The following CCDC30 variants were observed in gnomAD, a reference collection of about 807,000 sequenced individuals.
CCDC30 encodes the protein coiled-coil domain-containing protein 30.
A neutral mutation model predicts 100.2 loss-of-function variants in CCDC30; 70 were observed. The observed-to-expected ratio is 0.70, with a 90% CI of 0.58 to 0.85. CCDC30 has a LOEUF of 0.85. CCDC30 is among the 40% of genes least tolerant of loss of function. CCDC30 has a pLI of 0.00. For synonymous variants in CCDC30, 233 were observed against 269.5 expected, an observed-to-expected ratio of 0.86 and a Z score of 1.33; for missense variants, 652 against 771.2, an observed-to-expected ratio of 0.85 and a Z score of 1.83.
exon 7 of CCDC30, chr1:42,566,342 T>C (rs571597389): frequency 6.2e-7 from 1 of 1,613,926 alleles, no homozygotes; most frequent in East Asian, 2.2e-5. Context: ...CAAGGGGAAG[T>C]ACAACAACTT....
rs72952295 is a variant in CCDC30, at chr1:42,497,985, G to C, written c.357+772G>C. On this transcript the variant is annotated intron_variant, in intron 5 of 16. Coordinates refer to ENST00000668663, the Ensembl canonical transcript of CCDC30. ...ATAGATTTGTACATCCATATTCATA[G>C]TAGCATTATTCACAATAGCCAGAAG... 8.2e-3 allele frequency among the ~76,000 whole-genome samples: 1,244 copies of C among 152,294 alleles called. 13 individuals are homozygous for C. The highest frequency in any genetic ancestry group is 0.027 in the African/African-American group (1,126 of 41,554).
intron 4 of CCDC30, among the ~76,000 whole-genome samples, chr1:42,490,709 T>TGAG: frequency 6.6e-6 from 1 of 152,200 alleles, no homozygotes; most frequent in Admixed American, 6.5e-5. Flanking sequence ...TTCCAAGTAG[T>TGAG]GAGTAGTAGT....
At chr1:42,630,777 T>C (rs2148668958) in intron 11 of CCDC30, among the ~76,000 whole-genome samples, 1 of 152,302 alleles carries the variant, frequency 6.6e-6, no homozygotes, top group South Asian at 2.1e-4. Context: ...GCAGTATGCC[T>C]ATTGCATTTT....
chr1:42,537,283 AC>A, intron 6 of CCDC30: 1 of 456,004 alleles, frequency 2.2e-6, no homozygotes. Context: ...ATGAAAAGAG[AC>A]CTGGAAGTGA....
intron 6 of CCDC30, among the ~76,000 whole-genome samples, chr1:42,551,336 C>A (rs1259624928): frequency 9.9e-5 from 15 of 152,150 alleles, no homozygotes; most frequent in Admixed American, 9.2e-4. Flanking sequence ...CTAGATACCT[C>A]CCACCAGTTG....
exon 15 of CCDC30, chr1:42,646,153 G>A: frequency 6.3e-7 from 1 of 1,593,844 alleles, no homozygotes; most frequent in Non-Finnish European, 8.5e-7. Context: ...GGAGTTTCCT[G>A]TTCCAAAATG....
chr1:42,576,640 A>G (rs189122572), intron 7 of CCDC30, among the ~76,000 whole-genome samples: 3 of 152,360 alleles, frequency 2.0e-5, no homozygotes, highest in African/African-American at 7.2e-5. Context: ...AGTGAAAACC[A>G]GCAAAGTTTG....
intron 6 of CCDC30, chr1:42,545,509 G>A: frequency 6.2e-7 from 1 of 1,607,240 alleles, no homozygotes; most frequent in Non-Finnish European, 8.5e-7. Context: ...TACCTGTAAA[G>A]ATCCTGAATC....
chr1:42,517,614 T>G (rs868766838), intron 6 of CCDC30, among the ~76,000 whole-genome samples: 10 of 147,960 alleles, frequency 6.8e-5, no homozygotes, highest in Middle Eastern at 3.2e-3. Context: ...AAGGTAAGTG[T>G]CTAACTTAGT....
chr1:42,500,353 A>T (rs1433162017), intron 6 of CCDC30: 1 of 1,574,464 alleles, frequency 6.4e-7, no homozygotes, highest in Admixed American at 1.7e-5. Context: ...TGCCGAGGAA[A>T]AGCGGAGTGA....
upstream of CCDC30, chr1:42,459,832 C>A (rs755339358): frequency 6.2e-7 from 1 of 1,614,040 alleles, no homozygotes; most frequent in South Asian, 1.1e-5. Flanking sequence ...TTATTGCTAT[C>A]AGAGGAAGAA....
At chr1:42,633,551 T>G (rs929911471) in intron 11 of CCDC30, among the ~76,000 whole-genome samples, 4 of 152,046 alleles carry the variant, frequency 2.6e-5, no homozygotes, top group Non-Finnish European at 1.5e-5. Flanking sequence ...CTTAAGAGGT[T>G]TTTTTGTTTT....
At chr1:42,498,753 A>G (rs1644265377) in intron 5 of CCDC30, 65 bp from the exon 6 acceptor site, 9 of 749,158 alleles carry the variant, frequency 1.2e-5, no homozygotes, top group Non-Finnish European at 1.7e-5. Context: ...TAATTAAAAA[A>G]CAAAACAATA....
At chr1:42,588,905 A>T (rs559574061) in intron 9 of CCDC30, among the ~76,000 whole-genome samples, 1 of 152,000 alleles carries the variant, frequency 6.6e-6, no homozygotes, top group Admixed American at 6.5e-5. Flanking sequence ...TGATTCATTT[A>T]TAGCAGTGTT....
chr1:42,558,706 A>G (rs1645423711), intron 6 of CCDC30, among the ~76,000 whole-genome samples: 1 of 152,224 alleles, frequency 6.6e-6, no homozygotes, highest in Non-Finnish European at 1.5e-5. Flanking sequence ...GACTGGAAAT[A>G]AGCTGGAAAA....
At chr1:42,456,889 G>A in the CCDC30 span, 2 of 1,612,664 alleles carry the variant, frequency 1.2e-6, no homozygotes, top group Admixed American at 1.7e-5. Context: ...TGCGGCCTTC[G>A]GGCCCAGCCC....
chr1:42,656,035 T>G (rs1003146654), downstream of CCDC30, among the ~76,000 whole-genome samples: 5 of 151,940 alleles, frequency 3.3e-5, no homozygotes, highest in African/African-American at 1.2e-4. Context: ...TGGCTCATTT[T>G]TGTACTTTTT....
chr1:42,616,941 G>T (rs1490966479), intron 11 of CCDC30, among the ~76,000 whole-genome samples: 4 of 152,148 alleles, frequency 2.6e-5, no homozygotes, highest in Non-Finnish European at 4.4e-5. Flanking sequence ...CAGCTGTAAA[G>T]GATGATGGCT....
At chr1:42,575,649 C>CAAAAAA (rs71065186) in intron 7 of CCDC30, among the ~76,000 whole-genome samples, 3 of 76,950 alleles carry the variant, frequency 3.9e-5, no homozygotes, top group African/African-American at 5.5e-5. Flanking sequence ...GACCCTGTCT[C>CAAAAAA]AAAAAAAAAG....
Sources: gnomAD v4.1 joint callset for allele counts (sites outside exome capture counted in the v4.1 genomes callset) on GRCh38, gnomAD v4.1.1 for gene constraint, MANE v1.5 for transcripts, NCBI Gene and HGNC (gene_info 2026-07-23, HGNC 2026-07-21) for gene names.